Variants in LAMA4 observed in about 807,000 individuals in gnomAD.
The protein encoded by LAMA4 is laminin subunit alpha-4.
A neutral mutation model predicts 207.1 loss-of-function variants in LAMA4; 127 were observed. The observed-to-expected ratio is 0.61, with a 90% CI of 0.53 to 0.71. The LOEUF is 0.71. Ranked by LOEUF, LAMA4 falls within the 30% of genes least tolerant of loss-of-function variation. LAMA4 has a pLI of 0.00. For missense variants in LAMA4, 2,093 were observed against 2,246.5 expected (o/e 0.93, Z 1.38); for synonymous variants, 761 against 816.0 (o/e 0.93, Z 1.15).
intron 2 of LAMA4, among the ~76,000 whole-genome samples, chr6:112,224,057 C>T (rs931728789): frequency 1.3e-5 from 2 of 152,182 alleles, no homozygotes; most frequent in South Asian, 2.1e-4. Context: ...CTGGGATCCA[C>T]GCATCTCTGG....
chr6:112,221,580 G>A (rs1324237361), intron 2 of LAMA4, among the ~76,000 whole-genome samples: 1 of 152,172 alleles, frequency 6.6e-6, no homozygotes, highest in Admixed American at 6.6e-5. Flanking sequence ...TGTATTTGAT[G>A]AATCCACTTT....
chr6:112,231,203 T>C (rs1163620551), intron 2 of LAMA4, among the ~76,000 whole-genome samples: 1 of 152,202 alleles, frequency 6.6e-6, no homozygotes, highest in Admixed American at 6.5e-5. Flanking sequence ...CTCCCTTTTT[T>C]CTCAGGAAAG....
intron 12 of LAMA4, among the ~76,000 whole-genome samples, chr6:112,166,648 A>G (rs1781398842): frequency 1.3e-5 from 2 of 152,230 alleles, no homozygotes; most frequent in Non-Finnish European, 2.9e-5. Flanking sequence ...GCTTATTTGC[A>G]GTAGATGAAA....
chr6:112,141,278 G>A, intron 21 of LAMA4, 80 bp downstream of exon 21: 2 of 1,219,222 alleles, frequency 1.6e-6, no homozygotes. Flanking sequence ...ATGTGTGTGT[G>A]TGTGTGCACG....
chr6:112,247,316 C>T (rs916848826), intron 2 of LAMA4, among the ~76,000 whole-genome samples: 2 of 152,206 alleles, frequency 1.3e-5, no homozygotes, highest in Non-Finnish European at 2.9e-5. Context: ...GCTGGATTCA[C>T]AGCGCATCTG....
intron 2 of LAMA4, among the ~76,000 whole-genome samples, chr6:112,229,104 A>G (rs1785399165): frequency 6.6e-6 from 1 of 152,238 alleles, no homozygotes; most frequent in African/African-American, 2.4e-5. Flanking sequence ...ACCAACTAGG[A>G]TGGTTTTAAA....
chr6:112,193,197 A>G (rs1345726928), intron 5 of LAMA4, among the ~76,000 whole-genome samples: 1 of 152,098 alleles, frequency 6.6e-6, no homozygotes, highest in African/African-American at 2.4e-5. Context: ...AAAAAGAAAG[A>G]GAGCCAGCAA....
At chr6:112,236,121 CAGGAAA>C (rs1785901799) in intron 2 of LAMA4, 1 of 152,176 alleles carries the variant, frequency 6.6e-6, no homozygotes, top group Non-Finnish European at 1.5e-5. Context: ...ACCTCAGAGC[CAGGAAA>C]CTTGGTTGTG....
intron 13 of LAMA4, among the ~76,000 whole-genome samples, chr6:112,163,699 GTGAAGC>G (rs782473684): frequency 6.6e-6 from 1 of 152,232 alleles, no homozygotes; most frequent in Non-Finnish European, 1.5e-5. Flanking sequence ...ACATTTTGCT[GTGAAGC>G]TGAGCAGAAT....
intron 2 of LAMA4, among the ~76,000 whole-genome samples, chr6:112,233,252 G>A (rs927861338): frequency 7.2e-5 from 11 of 152,282 alleles, no homozygotes; most frequent in African/African-American, 2.6e-4. Flanking sequence ...GCACTGTTTT[G>A]GATTTCAGTA....
chr6:112,228,080 A>G (rs1554363146), intron 2 of LAMA4, among the ~76,000 whole-genome samples: 1 of 152,248 alleles, frequency 6.6e-6, no homozygotes, highest in Non-Finnish European at 1.5e-5. Flanking sequence ...AAACTCAGAC[A>G]GTCTTGCTTC....
At chr6:112,167,840 TCACACACACACACACACACACACACA>T (rs71021873) in intron 12 of LAMA4, among the ~76,000 whole-genome samples, 25 of 125,946 alleles carry the variant, frequency 2.0e-4, no homozygotes, top group South Asian at 6.1e-4. Flanking sequence ...ATGCATACCA[TCACACACACACACACACACACACACA>T]CACACACACA....
chr6:112,241,673 T>G (rs1786525170), intron 2 of LAMA4, among the ~76,000 whole-genome samples: 1 of 152,194 alleles, frequency 6.6e-6, no homozygotes, highest in Non-Finnish European at 1.5e-5. Context: ...AGAACAGTAC[T>G]TGCAACACAG....
At chr6:112,226,086 C>A (rs1785192389) in intron 2 of LAMA4, among the ~76,000 whole-genome samples, 1 of 152,174 alleles carries the variant, frequency 6.6e-6, no homozygotes. Flanking sequence ...CCCAATACCA[C>A]TATTTAGTTC....
At chr6:112,110,131 T>A (rs782230167) in intron 38 of LAMA4, among the ~76,000 whole-genome samples, 1 of 152,326 alleles carries the variant, frequency 6.6e-6, no homozygotes, top group South Asian at 2.1e-4. Flanking sequence ...GAACTATAAA[T>A]AGGGTAATGA....
intron 26 of LAMA4, among the ~76,000 whole-genome samples, chr6:112,134,219 T>A (rs1779202721): frequency 6.6e-6 from 1 of 152,212 alleles, no homozygotes. Flanking sequence ...AAATACTGCA[T>A]TAGATCATGT....
chr6:112,179,446 A>T (rs1782213527), intron 9 of LAMA4: 1 of 152,262 alleles, frequency 6.6e-6, no homozygotes, highest in African/African-American at 2.4e-5. Context: ...TTAGTCTGGC[A>T]TTTGGTCGAA....
At chr6:112,196,571 G>A (rs1276510890) in intron 5 of LAMA4, 1 of 152,180 alleles carries the variant, frequency 6.6e-6, no homozygotes, top group Admixed American at 6.5e-5. Context: ...GTTCTTAGTT[G>A]TTCCTACTGG....
intron 4 of LAMA4, among the ~76,000 whole-genome samples, chr6:112,204,760 C>G (rs991496603): frequency 1.3e-5 from 2 of 152,116 alleles, no homozygotes; most frequent in African/African-American, 4.8e-5. Context: ...AATAACAGAA[C>G]AGTTAATGTT....
Sources: gnomAD v4.1 joint callset for allele counts (sites outside exome capture counted in the v4.1 genomes callset) on GRCh38, gnomAD v4.1.1 for gene constraint, MANE v1.5 for transcripts, NCBI Gene and HGNC (gene_info 2026-07-23, HGNC 2026-07-21) for gene names.